Variants in SMG1 observed in about 807,000 individuals in gnomAD.
SMG1 encodes serine/threonine-protein kinase SMG1.
SMG1 carries 22 observed loss-of-function variants against 419.9 expected under a neutral mutation model. The ratio of observed to expected loss-of-function variants is 0.05; its 90% CI spans 0.04 to 0.07. The LOEUF (loss-of-function observed/expected upper bound fraction) is 0.07, where lower values mean the gene tolerates loss of function less well. Ranked by LOEUF, SMG1 falls within the 10% of genes least tolerant of loss-of-function variation. The pLI is 1.00. For missense variants in SMG1, 3,185 were observed against 4,342.0 expected (o/e 0.73, Z 7.49); for synonymous variants, 1,538 against 1,553.5 (o/e 0.99, Z 0.23).
intron 1 of SMG1, among the ~76,000 whole-genome samples, chr16:18,906,620 G>A: frequency 6.6e-6 from 1 of 152,142 alleles, no homozygotes; most frequent in African/African-American, 2.4e-5. Flanking sequence ...CCATAAACAT[G>A]CAACACTTTC....
intron 1 of SMG1, among the ~76,000 whole-genome samples, chr16:18,907,065 CTT>C (rs2037590606): frequency 1.3e-5 from 2 of 151,996 alleles, no homozygotes; most frequent in South Asian, 4.2e-4. Context: ...GGATGGATCA[CTT>C]GAGGTCAGGA....
At position 18,853,673 on chromosome 16, in the gene SMG1, T is replaced by C. The variant is rs777429140; in HGVS notation, c.4678A>G (p.Thr1560Ala). ...AGAGTGAGTATGTTTTTAGACAAAGTAGAAAGACCTGTGAAGTTCTGTTGG... is the reference window on the plus strand; with the variant it reads ...AGAGTGAGTATGTTTTTAGACAAAGCAGAAAGACCTGTGAAGTTCTGTTGG... The part of the protein sequence containing the change: ...QHQQNFTGLS[T>A]LSKNILTLIE... Residue 1560 changes from threonine to alanine, a missense_variant, in exon 31 of 63, where the codon ACT becomes GCT. By Grantham distance (58) the Thr-to-Ala change is moderately conservative. Coordinates refer to ENST00000446231, the MANE Select transcript of SMG1 (RefSeq NM_015092.5). 10 of 1,613,302 alleles carry C rather than the reference T, an allele frequency of 6.2e-6. No individual in the cohort carries two copies. The African/African-American group carries it at 9.3e-5, about 15-fold the overall frequency.
In SMG1 at chr16:18,817,484, A is replaced by C; in HGVS notation, c.9895-14T>G. The C allele has an allele frequency of 6.4e-7, 1 of 1,553,858 alleles. No homozygotes were observed. The highest frequency in any genetic ancestry group is 8.7e-7 in the Non-Finnish European group (1 of 1,147,010). ...GAGAAATGTGACCTGTAAAGACAGA[A>C]ATGGAACCACAAGAGGAGATGGGAG... On this transcript the variant is annotated splice_polypyrimidine_tract_variant and intron_variant, in intron 56 of 62. Coordinates refer to ENST00000446231, the MANE Select transcript of SMG1 (RefSeq NM_015092.5).
At chr16:18,812,916 G>A (rs1178145762) in intron 60 of SMG1, among the ~76,000 whole-genome samples, 2 of 152,006 alleles carry the variant, frequency 1.3e-5, no homozygotes, top group East Asian at 1.9e-4. Context: ...GAGAACATGC[G>A]GTGTTTGGTT....
chr16:18,911,805 G>A (rs1326993253), intron 1 of SMG1: 2 of 152,042 alleles, frequency 1.3e-5, no homozygotes, highest in Non-Finnish European at 2.9e-5. Context: ...ATTCTAGCTA[G>A]GCACGGGGGC....
chr16:18,851,815 T>A (rs987348506), intron 33 of SMG1, among the ~76,000 whole-genome samples: 1 of 152,172 alleles, frequency 6.6e-6, no homozygotes, highest in Non-Finnish European at 1.5e-5. Context: ...AGTGCTGGGA[T>A]TACAGGTGTG....
chr16:18,849,565 A>G (rs1288976481), intron 35 of SMG1, among the ~76,000 whole-genome samples, 187 bp from the exon 36 acceptor site: 2 of 152,218 alleles, frequency 1.3e-5, no homozygotes, highest in Non-Finnish European at 2.9e-5. Context: ...AGTCTGGTTA[A>G]GGTTGGTTTA....
chr16:18,902,148 AAC>A (rs1242506678), intron 1 of SMG1, among the ~76,000 whole-genome samples: 1 of 152,082 alleles, frequency 6.6e-6, no homozygotes, highest in Non-Finnish European at 1.5e-5. Flanking sequence ...GGACATAAAA[AAC>A]AGAGTGAGCT....
chr16:18,814,400 G>A (rs1237090742), intron 60 of SMG1, among the ~76,000 whole-genome samples: 2 of 151,652 alleles, frequency 1.3e-5, no homozygotes, highest in African/African-American at 4.8e-5. Context: ...TCAGGAAGCT[G>A]AGGCAGGAGA....
At chr16:18,826,758 A>G (rs1754755483) in intron 55 of SMG1, among the ~76,000 whole-genome samples, 1 of 22,074 alleles carries the variant, frequency 4.5e-5, no homozygotes, top group African/African-American at 1.5e-4. Flanking sequence ...AGAGGCAGGC[A>G]GGCCTCCTTG....
intron 29 of SMG1, among the ~76,000 whole-genome samples, chr16:18,855,427 A>G (rs900498782): frequency 1.3e-5 from 2 of 152,200 alleles, no homozygotes; most frequent in African/African-American, 2.4e-5. Flanking sequence ...CAATTACCAC[A>G]GAAATGCTGA....
At position 18,829,906 on chromosome 16, in the gene SMG1, G is replaced by C. The variant is rs1324797337; in HGVS notation, c.9133+20C>G. 1.3e-6 allele frequency: 2 copies of C among 1,514,278 alleles called. No homozygotes were observed. Among genetic ancestry groups the C allele is most frequent in the African/African-American group, 1.4e-5 (1 of 71,708 alleles). The allele number at this position is 1,514,278 out of a possible 1,614,324, so 93.8% of individuals were successfully genotyped here. On this transcript the variant is annotated intron_variant, in intron 53 of 62. Transcript: ENST00000446231. ...AGTGCTACATAGCTAAAGCTAGTAT[G>C]TTTACAGGTAGAATATTACCTGACA...
rs368196825 is a variant in SMG1 at position 18,887,672 on chromosome 16, TAAAAA to T, written c.822+1695_822+1699del. On this transcript the variant is annotated intron_variant, in intron 6 of 62. Coordinates refer to ENST00000446231, the MANE Select transcript of SMG1 (RefSeq NM_015092.5). ...CCCAGTTAAAAATACACTTTTTATT[TAAAAA>T]AAAAAAAAAAAAAAAAAGAACATTC... Among the ~76,000 whole-genome samples, 86 of 65,688 alleles carry T rather than the reference TAAAAA, an allele frequency of 1.3e-3. 1 individual carries two copies. The highest frequency in any genetic ancestry group is 1.6e-3 in the Admixed American group (7 of 4,424). 43.1% of individuals were successfully genotyped at this position (65,688 alleles called of 152,430 possible).
intron 29 of SMG1, chr16:18,857,485 C>G (rs1207516073): frequency 6.6e-6 from 1 of 152,032 alleles, no homozygotes; most frequent in Non-Finnish European, 1.5e-5. Flanking sequence ...CATTTGCAAA[C>G]TAAAATACAA....
At chr16:18,816,654 C>A in intron 57 of SMG1, 125 bp from the exon 58 acceptor site, 1 of 700,646 alleles carries the variant, frequency 1.4e-6, no homozygotes, top group Non-Finnish European at 2.3e-6. Flanking sequence ...ATTGCTAAGT[C>A]ATGAATTAAT....
At chr16:18,910,976 C>A (rs1040147363) in intron 1 of SMG1, among the ~76,000 whole-genome samples, 1 of 152,120 alleles carries the variant, frequency 6.6e-6, no homozygotes, top group African/African-American at 2.4e-5. Flanking sequence ...CTATAAGCTA[C>A]CTTTTAACCT....
chr16:18,830,922 T>C (rs775355151), intron 51 of SMG1, among the ~76,000 whole-genome samples: 17 of 152,238 alleles, frequency 1.1e-4, no homozygotes, highest in Non-Finnish European at 2.9e-5. Flanking sequence ...CAGTGATCAG[T>C]CTCATTTTTA....
At chr16:18,820,733 A>G (rs2141152046) in intron 55 of SMG1, among the ~76,000 whole-genome samples, 1 of 152,338 alleles carries the variant, frequency 6.6e-6, no homozygotes, top group South Asian at 2.1e-4. Context: ...ACTGTAGAGA[A>G]AGCTTATTTC....
chr16:18,879,009 C>CA (rs1274431004), intron 11 of SMG1: 60 of 199,908 alleles, frequency 3.0e-4, no homozygotes, highest in Middle Eastern at 2.2e-3. Context: ...GACCCTGTCT[C>CA]AAAAAAAAAT....
Sources: allele counts gnomAD v4.1 joint callset (sites outside exome capture counted in the v4.1 genomes callset), GRCh38; gene constraint gnomAD v4.1.1; transcripts MANE v1.5; gene names NCBI Gene and HGNC (gene_info 2026-07-23, HGNC 2026-07-21).